CSTPP1: variants seen among roughly 807,000 people sequenced by gnomAD.
CSTPP1 encodes the protein UPF0705 protein C11orf49.
the CSTPP1 span, chr11:47,159,554 G>GT: frequency 6.7e-6 from 3 of 446,724 alleles, no homozygotes; most frequent in African/African-American, 6.1e-5. Flanking sequence ...GGAATCAAGA[G>GT]TAAGGGGGAG....
chr11:46,977,492 T>C, the CSTPP1 span, among the ~76,000 whole-genome samples: 1 of 152,244 alleles, frequency 6.6e-6, no homozygotes, highest in African/African-American at 2.4e-5. Context: ...TCTTTTTCTT[T>C]ATTTTTTATT....
chr11:46,971,684 C>T, the CSTPP1 span, among the ~76,000 whole-genome samples: 1 of 151,924 alleles, frequency 6.6e-6, no homozygotes, highest in Admixed American at 6.6e-5. Flanking sequence ...GTGGCTCACG[C>T]CAGTAATCTC....
chr11:46,960,158 C>T, the CSTPP1 span, among the ~76,000 whole-genome samples: 306 of 152,260 alleles, frequency 2.0e-3, no homozygotes, highest in African/African-American at 7.2e-3. Flanking sequence ...TGAGCCACTG[C>T]ACTGGGCCTA....
At chr11:47,017,779 T>G in the CSTPP1 span, among the ~76,000 whole-genome samples, 1 of 151,912 alleles carries the variant, frequency 6.6e-6, no homozygotes, top group Middle Eastern at 3.2e-3. Context: ...GCAATTCTCA[T>G]GCCTCAGCCT....
At chr11:47,049,497 G>A in the CSTPP1 span, among the ~76,000 whole-genome samples, 1 of 151,844 alleles carries the variant, frequency 6.6e-6, no homozygotes, top group East Asian at 2.0e-4. Flanking sequence ...AAATAGCTGA[G>A]TGTGATGATG....
At chr11:46,942,136 C>T in the CSTPP1 span, among the ~76,000 whole-genome samples, 2 of 152,154 alleles carry the variant, frequency 1.3e-5, no homozygotes, top group South Asian at 4.1e-4. Flanking sequence ...TAAAGAATAG[C>T]TTAGTGATGT....
chr11:46,988,613 C>CA, the CSTPP1 span, among the ~76,000 whole-genome samples: 150,685 of 151,930 alleles, frequency 0.99, 74,849 homozygotes, highest in Middle Eastern at 1. Context: ...TTGATGGTTA[C>CA]AAAAAAGAAA....
chr11:47,013,235 A>G, the CSTPP1 span, among the ~76,000 whole-genome samples: 1 of 147,714 alleles, frequency 6.8e-6, no homozygotes. Flanking sequence ...TTATTTATTT[A>G]TTGTTGTTGT....
the CSTPP1 span, among the ~76,000 whole-genome samples, chr11:46,937,827 G>A: frequency 6.6e-6 from 1 of 151,794 alleles, no homozygotes; most frequent in African/African-American, 2.4e-5. Flanking sequence ...GTGAGCCACC[G>A]CGCCCGGCCA....
the CSTPP1 span, among the ~76,000 whole-genome samples, chr11:47,044,235 C>T: frequency 1.8e-4 from 28 of 152,224 alleles, no homozygotes; most frequent in Admixed American, 1.8e-3. Context: ...GACCCACCCG[C>T]CTCGACCTCC....
the CSTPP1 span, among the ~76,000 whole-genome samples, chr11:46,950,232 G>T: frequency 6.8e-6 from 1 of 147,346 alleles, no homozygotes; most frequent in Non-Finnish European, 1.5e-5. Context: ...GGAGTGCAGT[G>T]GCGTGATCTT....
chr11:47,115,251 TTTGCA>T, the CSTPP1 span, among the ~76,000 whole-genome samples: 1 of 152,188 alleles, frequency 6.6e-6, no homozygotes, highest in Non-Finnish European at 1.5e-5. Context: ...ATTGAGGATT[TTTGCA>T]TTGAAGTTCA....
chr11:47,089,426 G>C, the CSTPP1 span, among the ~76,000 whole-genome samples: 1 of 152,168 alleles, frequency 6.6e-6, no homozygotes, highest in Admixed American at 6.5e-5. Context: ...CGGGTGGACA[G>C]AGTAATTTAC....
the CSTPP1 span, among the ~76,000 whole-genome samples, chr11:47,006,366 CT>C: frequency 1.1e-4 from 16 of 152,170 alleles, no homozygotes; most frequent in Non-Finnish European, 1.3e-4. Context: ...TGAAAATAAT[CT>C]TTTTTTAAAT....
At chr11:47,141,965 C>T in the CSTPP1 span, among the ~76,000 whole-genome samples, 2 of 142,940 alleles carry the variant, frequency 1.4e-5, no homozygotes, top group East Asian at 4.1e-4. Context: ...AAAACCACGA[C>T]CAGGTGCAGT....
At chr11:47,003,376 A>G in the CSTPP1 span, among the ~76,000 whole-genome samples, 1 of 152,176 alleles carries the variant, frequency 6.6e-6, no homozygotes, top group South Asian at 2.1e-4. Context: ...GAGAGGAAGG[A>G]AGGACAGTTA....
the CSTPP1 span, among the ~76,000 whole-genome samples, chr11:47,028,145 G>A: frequency 1.2e-4 from 19 of 152,086 alleles, 1 homozygote; most frequent in East Asian, 3.7e-3. Context: ...TGATGGTCTC[G>A]ATCTCCCGAC....
At chr11:47,096,289 C>T in the CSTPP1 span, among the ~76,000 whole-genome samples, 4 of 152,060 alleles carry the variant, frequency 2.6e-5, no homozygotes, top group African/African-American at 9.7e-5. Flanking sequence ...CACGCATTTC[C>T]AGAACTTTTT....
At chr11:47,041,411 G>A in the CSTPP1 span, 12 of 255,840 alleles carry the variant, frequency 4.7e-5, 2 homozygotes, top group Non-Finnish European at 9.0e-5. Flanking sequence ...CTTCAGCATG[G>A]AGGACAGCAC....
Sources: allele counts gnomAD v4.1 joint callset (sites outside exome capture counted in the v4.1 genomes callset), GRCh38; gene constraint gnomAD v4.1.1; transcripts MANE v1.5; gene names NCBI Gene and HGNC (gene_info 2026-07-23, HGNC 2026-07-21).